Variants in PTPRJ observed in about 807,000 individuals in gnomAD.
The protein encoded by PTPRJ is receptor-type tyrosine-protein phosphatase eta.
Under a neutral mutation model 141.3 loss-of-function variants are expected in PTPRJ, and 129 were observed. That is an observed-to-expected ratio of 0.91 (90% CI 0.79 to 1.06). The LOEUF (loss-of-function observed/expected upper bound fraction) is 1.06, where lower values mean the gene tolerates loss of function less well. PTPRJ is among the 50% of genes least tolerant of loss of function. PTPRJ has a pLI of 0.00. For missense variants in PTPRJ, 1,601 were observed against 1,679.7 expected (o/e 0.95, Z 0.82); for synonymous variants, 610 against 640.5 (o/e 0.95, Z 0.72).
chr11:47,993,479 G>C (rs1175024434), intron 1 of PTPRJ, among the ~76,000 whole-genome samples: 2 of 152,004 alleles, frequency 1.3e-5, no homozygotes, highest in African/African-American at 2.4e-5. Flanking sequence ...TTTTAGTAGA[G>C]ACGGGGTTTC....
intron 8 of PTPRJ, 47 bp from the exon 9 acceptor site, chr11:48,135,992 G>A (rs756256565): frequency 1.4e-5 from 23 of 1,587,092 alleles, no homozygotes; most frequent in Middle Eastern, 2.2e-4. Context: ...GAAGCTGGGC[G>A]TCATGATAGT....
intron 1 of PTPRJ, among the ~76,000 whole-genome samples, chr11:48,077,568 C>G (rs1485092045): frequency 6.6e-6 from 1 of 152,186 alleles, no homozygotes; most frequent in Non-Finnish European, 1.5e-5. Flanking sequence ...CAGGACTCCC[C>G]CCGACAGCCT....
intron 1 of PTPRJ, among the ~76,000 whole-genome samples, chr11:48,012,059 C>T (rs1227846929): frequency 2.0e-5 from 3 of 151,994 alleles, no homozygotes; most frequent in Non-Finnish European, 2.9e-5. Context: ...TCCATTTATG[C>T]GTATTTTGTA....
At chr11:48,164,613 C>A (rs1429860456) in intron 24 of PTPRJ, 98 bp downstream of exon 24, 8 of 1,286,654 alleles carry the variant, frequency 6.2e-6, no homozygotes, top group African/African-American at 1.8e-5. Flanking sequence ...GTCGCCCAGG[C>A]TGGAGTGCAG....
chr11:48,150,061 A>T, intron 17 of PTPRJ, 35 bp from the exon 18 acceptor site: 1 of 1,574,056 alleles, frequency 6.4e-7, no homozygotes, highest in South Asian at 1.1e-5. Flanking sequence ...GACTTCACTG[A>T]ATGTAAAAAA....
rs1205632356 is a variant in PTPRJ, at chr11:48,155,943, C to A, written c.3304-42C>A. ...AATCTTCAGTGTGCTTTGCTTCTTT[C>A]TGTTTCTTTGAGGTTGACTATGTGC... On this transcript the variant is annotated intron_variant, in intron 20 of 24. Coordinates refer to ENST00000418331, the MANE Select transcript of PTPRJ (RefSeq NM_002843.4). 2.5e-6 allele frequency: 4 copies of A among 1,602,018 alleles called. No homozygotes were observed. In the African/African-American group the frequency reaches 5.4e-5, roughly 21 times the overall value.
intron 1 of PTPRJ, among the ~76,000 whole-genome samples, chr11:48,056,219 A>T (rs1590447925): frequency 6.6e-6 from 1 of 152,320 alleles, no homozygotes; most frequent in Middle Eastern, 3.4e-3. Flanking sequence ...TCTGAATAGA[A>T]GTTAGACGCA....
intron 1 of PTPRJ, among the ~76,000 whole-genome samples, chr11:48,093,682 G>A (rs568349744): frequency 6.6e-6 from 1 of 151,804 alleles, no homozygotes; most frequent in East Asian, 1.9e-4. Context: ...ATAAGCAAAT[G>A]TTGTGAATTT....
At chr11:48,110,005 A>G in intron 1 of PTPRJ, 53 bp from the exon 2 acceptor site, 1 of 1,605,444 alleles carries the variant, frequency 6.2e-7, no homozygotes. Flanking sequence ...TCTGATTTGC[A>G]TTTTCCATGG....
intron 1 of PTPRJ, among the ~76,000 whole-genome samples, chr11:48,050,352 C>G (rs1005451331): frequency 8.5e-5 from 13 of 152,116 alleles, no homozygotes; most frequent in South Asian, 2.1e-4. Flanking sequence ...CGGCCTCCCC[C>G]GTTAGCAACA....
rs560549028 is a variant in PTPRJ, at chr11:48,016,996, G to C, written c.96+35988G>C. 4.6e-5 allele frequency among the ~76,000 whole-genome samples: 7 copies of C among 152,112 alleles called. No individual in the cohort carries two copies. The South Asian group carries it at 1.5e-3, about 32-fold the overall frequency. On this transcript the variant is annotated intron_variant, in intron 1 of 24. Transcript: ENST00000418331. ...CCAGGTCTTGAGCTCCTGGGCTCAAGCAATCCTCCCACCTCGGTTCCCCAA... is the reference window on the plus strand; with the variant it reads ...CCAGGTCTTGAGCTCCTGGGCTCAACCAATCCTCCCACCTCGGTTCCCCAA...
intron 1 of PTPRJ, among the ~76,000 whole-genome samples, chr11:48,086,888 A>G (rs1256246514): frequency 6.6e-6 from 1 of 152,150 alleles, no homozygotes; most frequent in East Asian, 1.9e-4. Flanking sequence ...AAGTATTTCC[A>G]TATCATTGTG....
intron 8 of PTPRJ, 152 bp downstream of exon 8, chr11:48,130,868 T>C (rs1856960532): frequency 1.2e-6 from 1 of 869,204 alleles, no homozygotes; most frequent in Non-Finnish European, 1.6e-6. Context: ...ATTTATTATA[T>C]GAAATACAGA....
intron 11 of PTPRJ, among the ~76,000 whole-genome samples, chr11:48,140,400 A>G (rs1052196155): frequency 1.5e-4 from 23 of 152,206 alleles, no homozygotes; most frequent in African/African-American, 5.1e-4. Context: ...AGTAGGGGCG[A>G]CAGGGCCCCT....
intron 1 of PTPRJ, among the ~76,000 whole-genome samples, chr11:47,984,534 A>G (rs1195238553): frequency 4.0e-5 from 6 of 151,878 alleles, no homozygotes; most frequent in African/African-American, 1.5e-4. Flanking sequence ...AGAAATACCA[A>G]GAGGTAGGTG....
chr11:48,075,761 A>G (rs182347089), intron 1 of PTPRJ, among the ~76,000 whole-genome samples: 1 of 151,984 alleles, frequency 6.6e-6, no homozygotes, highest in South Asian at 2.1e-4. Flanking sequence ...TCCTTCCCAG[A>G]TGTTATGTCC....
At chr11:48,137,369 GT>G in intron 10 of PTPRJ, 88 bp downstream of exon 10, 1 of 1,454,374 alleles carries the variant, frequency 6.9e-7, no homozygotes. Context: ...AGTTTGTCTG[GT>G]TTTGTGTGAT....
intron 1 of PTPRJ, among the ~76,000 whole-genome samples, chr11:48,082,219 C>T (rs1012236702): frequency 3.1e-4 from 47 of 152,142 alleles, no homozygotes; most frequent in African/African-American, 9.9e-4. Context: ...CTGTTTTCAA[C>T]GTTTCATCCA....
chr11:48,023,505 C>T (rs545387499), intron 1 of PTPRJ, among the ~76,000 whole-genome samples: 11 of 152,228 alleles, frequency 7.2e-5, no homozygotes, highest in South Asian at 6.2e-4. Context: ...ATTTACCGGC[C>T]GGGTGCGGTG....
Sources: gnomAD v4.1 joint callset for allele counts (sites outside exome capture counted in the v4.1 genomes callset) on GRCh38, gnomAD v4.1.1 for gene constraint, MANE v1.5 for transcripts, NCBI Gene and HGNC (gene_info 2026-07-23, HGNC 2026-07-21) for gene names.